The following SNCG variants were observed in gnomAD, a reference collection of about 807,000 sequenced individuals.
SNCG encodes synuclein gamma.
A neutral mutation model predicts 16.0 loss-of-function variants in SNCG; 13 were observed. The observed-to-expected ratio is 0.81, with a 90% CI of 0.53 to 1.29. The LOEUF (loss-of-function observed/expected upper bound fraction) is 1.29. SNCG is among the 50% of genes most tolerant of loss of function. SNCG has a pLI of 0.00. For missense variants in SNCG, 154 were observed against 168.5 expected (o/e 0.91, Z 0.48); for synonymous variants, 66 against 66.3 (o/e 1.00, Z 0.02).
At position 86,962,605 on chromosome 10, in the gene SNCG, A is replaced by C; in HGVS notation, c.293A>C (p.Glu98Ala). 2 of 1,610,654 alleles carry C rather than the reference A, an allele frequency of 1.2e-6. No individual in the cohort carries two copies. The highest frequency in any genetic ancestry group is 1.7e-6 in the Non-Finnish European group (2 of 1,177,884). ...CATGCCCCCTTTTGTCCCCTACAGG[A>C]GGACTTGAGGCCATCTGCCCCCCAA... ...IAVTSGVVRK[E>A]DLRPSAPQQE... Residue 98 changes from glutamate to alanine, a missense_variant and splice_region_variant, in exon 4 of 5, where the codon GAG becomes GCG. Glu to Ala is a moderately radical substitution (Grantham distance 107, BLOSUM62 -1). Coordinates refer to ENST00000372017, the MANE Select transcript of SNCG (RefSeq NM_003087.3).
chr10:86,957,655 C>CA, upstream of SNCG: 1 of 1,418,148 alleles, frequency 7.1e-7, no homozygotes, highest in South Asian at 1.4e-5. Flanking sequence ...ACGAGGACAA[C>CA]AAAGAGAGGA....
chr10:86,959,851 C>A lies in SNCG; in HGVS notation c.164-150C>A. 7.4e-7 allele frequency: 1 copy of A among 1,359,426 alleles called. No homozygotes were observed. Among genetic ancestry groups the A allele is most frequent in the Non-Finnish European group, 1.0e-6 (1 of 1,001,522 alleles). The allele number at this position is 1,359,426 out of a possible 1,614,324, so 84.2% of individuals were successfully genotyped here. ...GTGGGCGTCTCCTTACCCCCACCAG[C>A]ATCAGAGGTGCCCTGGAGTCAGAGG... is the stretch of plus-strand genomic sequence containing the variant. On this transcript the variant is annotated intron_variant, in intron 2 of 4. Coordinates refer to ENST00000372017, the MANE Select transcript of SNCG (RefSeq NM_003087.3). This position sits in a 1 kb window ranked among gnomAD's most constrained non-coding sequence, Gnocchi z 4.3.
At position 86,963,059 on chromosome 10, in the gene SNCG, A is replaced by G; in HGVS notation, c.*74A>G. 1.4e-6 allele frequency: 2 copies of G among 1,464,714 alleles called. No individual in the cohort carries two copies. Among genetic ancestry groups the G allele is most frequent in the South Asian group, 2.6e-5 (2 of 78,386 alleles). 90.7% of individuals were successfully genotyped at this position (1,464,714 alleles called of 1,614,324 possible). A position where few individuals can be genotyped will look rare whatever the true frequency, so the allele number is the denominator to read the frequency against. ...GACACCATCCCCTCCTAGCACAAGG[A>G]GTGCCCGCCTTGAGTGACATGCGGC... On this transcript the variant is annotated 3_prime_UTR_variant, in exon 5 of 5. Transcript: ENST00000372017.
chr10:86,957,625 T>C (rs1165588428), upstream of SNCG: 2 of 1,476,986 alleles, frequency 1.4e-6, no homozygotes, highest in African/African-American at 2.8e-5. Context: ...TCAAGTTAAA[T>C]CTCAGGAGGA....
chr10:86,957,727 C>T, upstream of SNCG: 1 of 1,358,190 alleles, frequency 7.4e-7, no homozygotes. Flanking sequence ...CTGGCTGGCC[C>T]CACAGGGGCC....
chr10:86,956,589 C>T (rs999813578), upstream of SNCG, among the ~76,000 whole-genome samples: 2 of 152,254 alleles, frequency 1.3e-5, no homozygotes, highest in African/African-American at 4.8e-5. Flanking sequence ...AACTCAGATC[C>T]TGCTCCTTAG....
At position 86,959,427 on chromosome 10, in the gene SNCG, C is replaced by A; in HGVS notation, c.122-206C>A. ...ACCTCAGGCCTGCTCTCTCTTGTCCCCCACATTCTGTCCTGTCCCCTTCCC... is the reference window on the plus strand; with the variant it reads ...ACCTCAGGCCTGCTCTCTCTTGTCCACCACATTCTGTCCTGTCCCCTTCCC... On this transcript the variant is annotated intron_variant, in intron 1 of 4. Transcript: ENST00000372017. The surrounding 1 kb of genome is among the most constrained non-coding windows in gnomAD (Gnocchi z 4.3). 1.6e-6 allele frequency: 1 copy of A among 606,360 alleles called. No homozygotes were observed. The highest frequency in any genetic ancestry group is 2.9e-6 in the Non-Finnish European group (1 of 340,038). The allele number at this position is 606,360 out of a possible 1,614,324, so 37.6% of individuals were successfully genotyped here. A position where few individuals can be genotyped will look rare whatever the true frequency, so the allele number is the denominator to read the frequency against.
In SNCG at chr10:86,959,890, T is replaced by C. The variant is rs373181271; in HGVS notation, c.164-111T>C. On this transcript the variant is annotated intron_variant, in intron 2 of 4. Transcript: ENST00000372017. This position sits in a 1 kb window ranked among gnomAD's most constrained non-coding sequence, Gnocchi z 4.3. Reference sequence around the variant, plus strand: ...TGGAGTCAGAGGGAGCAGGGGAGGGTCCCAGCAGGGCCAGGGCTCTGAGCT... The same window carrying C: ...TGGAGTCAGAGGGAGCAGGGGAGGGCCCCAGCAGGGCCAGGGCTCTGAGCT... The C allele has an allele frequency of 1.5e-5, 22 of 1,500,692 alleles. No individual in the cohort carries two copies. The African/African-American group carries it at 3.1e-4, about 21-fold the overall frequency. 93.0% of individuals were successfully genotyped at this position (1,500,692 alleles called of 1,614,324 possible). A position where few individuals can be genotyped will look rare whatever the true frequency, so the allele number is the denominator to read the frequency against.
chr10:86,958,283 C>T (rs1844270632), upstream of SNCG: 1 of 978,068 alleles, frequency 1.0e-6, no homozygotes, highest in East Asian at 1.1e-4. Context: ...CCAGGTGCAG[C>T]ATAGACACAG....
At chr10:86,958,085 C>A, upstream of SNCG, 13 of 985,366 alleles carry the variant, frequency 1.3e-5, no homozygotes, top group African/African-American at 3.5e-5. Context: ...CCCCCACCCA[C>A]CTCAGATCCT....
chr10:86,961,081 A>T (rs576082129), intron 3 of SNCG, among the ~76,000 whole-genome samples: 30 of 151,010 alleles, frequency 2.0e-4, no homozygotes, highest in African/African-American at 6.3e-4. Flanking sequence ...TACCTGCTCC[A>T]GGCCTCCTAG....
In SNCG at chr10:86,962,583, GCC is replaced by G; in HGVS notation, c.292-17_292-16del. 4 of 1,589,876 alleles carry G rather than the reference GCC, an allele frequency of 2.5e-6. No homozygotes were observed. Among genetic ancestry groups the G allele is most frequent in the Non-Finnish European group, 3.4e-6 (4 of 1,160,730 alleles). On this transcript the variant is annotated intron_variant, in intron 3 of 4. Transcript: ENST00000372017. ...CTCTGCATTCTCCACATGGTCTCAT[GCC>G]CCCTTTTGTCCCCTACAGGAGGACT...
At chr10:86,962,062 T>C (rs532534950) in intron 3 of SNCG, among the ~76,000 whole-genome samples, 1 of 152,334 alleles carries the variant, frequency 6.6e-6, no homozygotes, top group South Asian at 2.1e-4. Flanking sequence ...CCAGAGCCTG[T>C]CCAGGAGGCA....
rs1345846582 is a variant in SNCG at position 86,959,762 on chromosome 10, T to C, written c.163+88T>C. 2 of 1,376,656 alleles carry C rather than the reference T, an allele frequency of 1.5e-6. No homozygotes were observed. Among genetic ancestry groups the C allele is most frequent in the Non-Finnish European group, 2.0e-6 (2 of 1,010,858 alleles). The allele number at this position is 1,376,656 out of a possible 1,614,324, so 85.3% of individuals were successfully genotyped here. ...GTGCTGGGGCTCAAACCTAGAGTCC[T>C]GCCTTACCCCCAACTGGGGTCCCAA... On this transcript the variant is annotated intron_variant, in intron 2 of 4. Coordinates refer to ENST00000372017, the MANE Select transcript of SNCG (RefSeq NM_003087.3). The surrounding 1 kb of genome is among the most constrained non-coding windows in gnomAD (Gnocchi z 4.3).
chr10:86,961,708 A>T (rs1235405429), intron 3 of SNCG, among the ~76,000 whole-genome samples: 1 of 152,162 alleles, frequency 6.6e-6, no homozygotes, highest in Non-Finnish European at 1.5e-5. Flanking sequence ...CCCTGGCCTC[A>T]TCATCAGCCT....
At chr10:86,957,031 T>C (rs1844245419), upstream of SNCG, among the ~76,000 whole-genome samples, 1 of 152,208 alleles carries the variant, frequency 6.6e-6, no homozygotes, top group South Asian at 2.1e-4. Context: ...TCAGAATTGA[T>C]TTCTTTGGAA....
chr10:86,962,886 C>A, intron 4 of SNCG, 79 bp from the exon 5 acceptor site: 1 of 1,510,706 alleles, frequency 6.6e-7, no homozygotes, highest in Non-Finnish European at 9.0e-7. Context: ...GCACAGAAGA[C>A]AACTTTTCTC....
At chr10:86,958,577 G>C (rs1464485934), upstream of SNCG, 4 of 1,357,488 alleles carry the variant, frequency 2.9e-6, no homozygotes, top group Non-Finnish European at 3.9e-6. Flanking sequence ...ATATTTCATC[G>C]GCGTCAATAG....
At chr10:86,958,332 C>T (rs1589310823), upstream of SNCG, 8 of 985,418 alleles carry the variant, frequency 8.1e-6, no homozygotes, top group Non-Finnish European at 9.6e-6. Flanking sequence ...GGGCTGCCCC[C>T]ATGGGTGGGC....
Sources: allele counts gnomAD v4.1 joint callset (sites outside exome capture counted in the v4.1 genomes callset), GRCh38; gene constraint gnomAD v4.1.1; non-coding constraint Gnocchi (gnomAD v3.1); transcripts MANE v1.5; gene names NCBI Gene and HGNC (gene_info 2026-07-23, HGNC 2026-07-21).